The following NUMB variants were observed in gnomAD, a reference collection of about 807,000 sequenced individuals.
NUMB encodes the protein protein numb homolog.
In NUMB, 29 loss-of-function variants were observed where a neutral mutation model predicts 59.7. That is an observed-to-expected ratio of 0.49 (90% CI 0.36 to 0.66). NUMB has a LOEUF of 0.66. Ranked by LOEUF, NUMB falls within the 30% of genes least tolerant of loss-of-function variation. NUMB has a pLI of 0.00. For synonymous variants in NUMB, 288 were observed against 288.2 expected (o/e 1.00, Z 0.01); for missense variants, 723 against 822.0 (o/e 0.88, Z 1.47).
chr14:73,389,272 CAAA>C (rs869074049), intron 2 of NUMB, among the ~76,000 whole-genome samples: 3 of 66,476 alleles, frequency 4.5e-5, no homozygotes, highest in African/African-American at 1.7e-4. Flanking sequence ...CTCCATCTCT[CAAA>C]AAAAAAAAAA....
intron 6 of NUMB, among the ~76,000 whole-genome samples, chr14:73,306,157 C>T (rs186786838): frequency 2.6e-5 from 4 of 152,264 alleles, no homozygotes; most frequent in African/African-American, 7.2e-5. Flanking sequence ...TAGTCTCAGA[C>T]ACTAAGGTTC....
At chr14:73,336,898 T>C (rs1892346935) in intron 4 of NUMB, among the ~76,000 whole-genome samples, 1 of 152,186 alleles carries the variant, frequency 6.6e-6, no homozygotes, top group African/African-American at 2.4e-5. Flanking sequence ...TCAAAAAATC[T>C]AATCAGTGGA....
chr14:73,283,677 T>C (rs535924687), intron 10 of NUMB, among the ~76,000 whole-genome samples: 19 of 152,372 alleles, frequency 1.2e-4, no homozygotes, highest in African/African-American at 4.6e-4. Flanking sequence ...CACATATCCA[T>C]TTCTTCTGCT....
In NUMB at chr14:73,279,322, G is replaced by C; in HGVS notation, c.1199C>G (p.Ala400Gly). 6.2e-7 allele frequency: 1 copy of C among 1,614,118 alleles called. No homozygotes were observed. The highest frequency in any genetic ancestry group is 8.5e-7 in the Non-Finnish European group (1 of 1,179,976). Residue 400 changes from alanine to glycine, a missense_variant, in exon 12 of 13, where the codon GCC becomes GGC. This residue lies in a region of NUMB where 406 missense variants were observed against 385.4 expected (regional missense o/e 1.05). Transcript: ENST00000555238. ...AATTTCCTTGTTAGCAGCATCAGGG[G>C]CATGGGCCCAAGGGTTGGTTTCACG... ...PVRETNPWAH[A>G]PDAANKEIAA...
chr14:73,455,160 GAAAAA>G (rs1009308644), intron 1 of NUMB, among the ~76,000 whole-genome samples: 1 of 151,930 alleles, frequency 6.6e-6, no homozygotes, highest in African/African-American at 2.4e-5. Flanking sequence ...TTTTGAGAGA[GAAAAA>G]AATAAACCAA....
rs1333857936 is a variant in NUMB, at chr14:73,287,249, C to T, written c.516G>A (p.Arg172=). 1.2e-6 allele frequency: 2 copies of T among 1,613,748 alleles called. No homozygotes were observed. Among genetic ancestry groups the T allele is most frequent in the South Asian group, 2.2e-5 (2 of 91,060 alleles). The part of the protein sequence containing the change: ...FAACLERKQK[R]EKECGVTATF... ...TAGCAGTCACTCCACATTCCTTCTC[C>T]CGCTTCTGCTTGCGCTCTAAACAGG... The change falls in exon 9 of 13, where the codon CGG becomes CGA. Residue 172 remains arginine (R), a synonymous_variant. Transcript: ENST00000555238.
At chr14:73,377,146 G>C (rs937739023) in intron 2 of NUMB, among the ~76,000 whole-genome samples, 1 of 152,090 alleles carries the variant, frequency 6.6e-6, no homozygotes, top group African/African-American at 2.4e-5. Context: ...AGATAACATA[G>C]GATAACATCT....
intron 1 of NUMB, among the ~76,000 whole-genome samples, chr14:73,418,720 G>A (rs926742769): frequency 2.6e-5 from 4 of 151,424 alleles, no homozygotes; most frequent in East Asian, 1.9e-4. Context: ...GCAGTGAGCC[G>A]AAACTGCGCC....
intron 2 of NUMB, among the ~76,000 whole-genome samples, chr14:73,390,249 AC>A (rs1895774691): frequency 6.6e-6 from 1 of 152,220 alleles, no homozygotes; most frequent in Admixed American, 6.5e-5. Flanking sequence ...ACCACGGCAT[AC>A]AATGTGACTT....
chr14:73,323,290 G>A (rs1370327119), intron 4 of NUMB, 86 bp from the exon 5 acceptor site: 2 of 875,142 alleles, frequency 2.3e-6, no homozygotes, highest in Non-Finnish European at 3.6e-6. Flanking sequence ...ATTGAATACA[G>A]GTTGAACATT....
intron 1 of NUMB, among the ~76,000 whole-genome samples, chr14:73,443,969 G>A (rs994342992): frequency 2.6e-5 from 4 of 151,944 alleles, no homozygotes; most frequent in Admixed American, 2.0e-4. Context: ...GTGCAGTGGC[G>A]CAATCTCGGC....
intron 9 of NUMB, chr14:73,285,182 T>C (rs1041606766): frequency 6.6e-6 from 1 of 152,176 alleles, no homozygotes; most frequent in African/African-American, 2.4e-5. Context: ...TTGTGGTTCA[T>C]TTGAATAAAA....
intron 2 of NUMB, among the ~76,000 whole-genome samples, chr14:73,371,803 G>A (rs150771680): frequency 5.3e-5 from 8 of 152,140 alleles, no homozygotes; most frequent in Admixed American, 2.0e-4. Flanking sequence ...CCTCTTCTCC[G>A]GAACAGACAA....
chr14:73,398,395 A>AGG, intron 2 of NUMB, among the ~76,000 whole-genome samples: 1 of 70,660 alleles, frequency 1.4e-5, no homozygotes, highest in Non-Finnish European at 3.4e-5. Flanking sequence ...ACACACACAG[A>AGG]GAGAGAGAGA....
intron 9 of NUMB, 180 bp downstream of exon 9, chr14:73,286,930 A>C: frequency 1.6e-6 from 1 of 618,528 alleles, no homozygotes; most frequent in East Asian, 2.8e-5. Context: ...AATATTTTTG[A>C]AGCCATTAAA....
intron 1 of NUMB, among the ~76,000 whole-genome samples, chr14:73,427,194 A>C (rs908318062): frequency 6.6e-6 from 1 of 151,978 alleles, no homozygotes; most frequent in Non-Finnish European, 1.5e-5. Flanking sequence ...AAAACAAGAA[A>C]GAGGCCTGGT....
intron 10 of NUMB, among the ~76,000 whole-genome samples, chr14:73,283,591 A>G (rs768791036): frequency 1.3e-5 from 2 of 152,264 alleles, no homozygotes; most frequent in African/African-American, 4.8e-5. Context: ...GTGATGAACA[A>G]CAGATCTTAG....
chr14:73,352,528 A>ATATATATAT (rs1566756459), intron 4 of NUMB, among the ~76,000 whole-genome samples: 1 of 11,690 alleles, frequency 8.6e-5, no homozygotes, highest in Non-Finnish European at 1.4e-4. Context: ...ATATATATAT[A>ATATATATAT]TGTTTTTTTT....
intron 11 of NUMB, among the ~76,000 whole-genome samples, chr14:73,280,868 A>G (rs1441495372): frequency 6.6e-6 from 1 of 151,432 alleles, no homozygotes; most frequent in Non-Finnish European, 1.5e-5. Flanking sequence ...TAACTTTTGT[A>G]TTTTTAGTAG....
Sources: gnomAD v4.1 joint callset for allele counts (sites outside exome capture counted in the v4.1 genomes callset) on GRCh38, gnomAD v4.1.1 for gene constraint, gnomAD v4.1.1 regional missense constraint, MANE v1.5 for transcripts, NCBI Gene and HGNC (gene_info 2026-07-23, HGNC 2026-07-21) for gene names.